ZNF589: variants seen among roughly 807,000 people sequenced by gnomAD.
ZNF589 encodes the protein zinc finger protein 589, also known as KRAB-zinc finger protein SZF1-1.
Under a neutral mutation model 13.6 loss-of-function variants are expected in ZNF589, and 17 were observed. The ratio of observed to expected loss-of-function variants is 1.25; its 90% confidence interval spans 0.86 to 1.88. ZNF589 has a LOEUF of 1.88. Among genes scored for constraint, ZNF589 ranks in the 40% most tolerant of loss-of-function variants. The pLI is 0.00. For synonymous variants in ZNF589, 148 were observed against 161.6 expected, an observed-to-expected ratio of 0.92 and a Z score of 0.64; for missense variants, 407 against 434.0, an observed-to-expected ratio of 0.94 and a Z score of 0.55.
chr3:48,270,912 TG>T lies in ZNF589; in HGVS notation c.*2128del. The T allele has an allele frequency of 5.1e-6, 1 of 196,722 alleles. No individual in the cohort carries two copies. The highest frequency in any genetic ancestry group is 1.0e-5 in the Non-Finnish European group (1 of 97,936). The allele number at this position is 196,722 out of a possible 1,614,324, so 12.2% of individuals were successfully genotyped here. ...GCCTGGCCTACCACCCTAATGTGTC[TG>T]GAATTGGTGGGTTCTTGGTCTTGCT... On this transcript the variant is annotated 3_prime_UTR_variant, in exon 4 of 4. Transcript: ENST00000354698.
chr3:48,256,451 T>A (rs1352383618), intron 2 of ZNF589: 1 of 564,468 alleles, frequency 1.8e-6, no homozygotes. Flanking sequence ...CCTTTTTTTG[T>A]AGATGGGCAT....
intron 2 of ZNF589, among the ~76,000 whole-genome samples, chr3:48,249,299 C>T (rs536314247): frequency 7.9e-5 from 12 of 152,222 alleles, no homozygotes; most frequent in African/African-American, 2.9e-4. Context: ...AACAGGGTTT[C>T]ACCATGTTAG....
rs2034062704 is a variant in ZNF589 at position 48,269,311 on chromosome 3, G to C, written c.*525G>C. On this transcript the variant is annotated 3_prime_UTR_variant, in exon 4 of 4. Coordinates refer to ENST00000354698, the MANE Select transcript of ZNF589 (RefSeq NM_016089.3). ...AGTGTGGGCGAGGCTTTATAGCTCA[G>C]TCAACCCTCCACTACCACCGGAGTA... 2.1e-6 allele frequency: 3 copies of C among 1,463,134 alleles called. No homozygotes were observed. The highest frequency in any genetic ancestry group is 1.4e-5 in the African/African-American group (1 of 71,118). 90.6% of individuals were successfully genotyped at this position (1,463,134 alleles called of 1,614,324 possible).
At position 48,256,800 on chromosome 3, in the gene ZNF589, T is replaced by C. The variant is rs772387198; in HGVS notation, c.97-4013T>C. Reference sequence around the variant, plus strand: ...GCTGTGATACGGCCTTCAATTATAGTTGTCTTTCCTTCTTGGATTTCCACC... The same window carrying C: ...GCTGTGATACGGCCTTCAATTATAGCTGTCTTTCCTTCTTGGATTTCCACC... On this transcript the variant is annotated intron_variant, in intron 2 of 3. Transcript: ENST00000354698. 10 of 1,557,274 alleles carry C rather than the reference T, an allele frequency of 6.4e-6. No homozygotes were observed. In the African/African-American group the frequency reaches 1.2e-4, roughly 19 times the overall value.
intron 2 of ZNF589, among the ~76,000 whole-genome samples, chr3:48,255,108 G>T (rs1244372072): frequency 6.6e-6 from 1 of 151,250 alleles, no homozygotes; most frequent in Non-Finnish European, 1.5e-5. Flanking sequence ...TTTGTTGTAG[G>T]TTTTTTGTAG....
Position 48,254,301 on chromosome 3 carries a change from T to C in ZNF589, c.97-6512T>C, listed in dbSNP as rs573042648. 2.6e-5 allele frequency among the ~76,000 whole-genome samples: 4 copies of C among 152,316 alleles called. No individual in the cohort carries two copies. The East Asian group carries it at 7.7e-4, about 29-fold the overall frequency. ...ATCAGTCGATGTTTGTGTCGGTCAT[T>C]TCTGGACTCTATTCTGTTCCACTGA... On this transcript the variant is annotated intron_variant, in intron 2 of 3. Transcript: ENST00000354698.
At chr3:48,264,612 T>C (rs1369361369) in intron 3 of ZNF589, among the ~76,000 whole-genome samples, 1 of 151,758 alleles carries the variant, frequency 6.6e-6, no homozygotes, top group Non-Finnish European at 1.5e-5. Flanking sequence ...GTGGATTGCC[T>C]GAGCTCAGGA....
At chr3:48,246,731 C>T (rs1157923290) in intron 1 of ZNF589, among the ~76,000 whole-genome samples, 15 of 151,992 alleles carry the variant, frequency 9.9e-5, no homozygotes, top group African/African-American at 3.6e-4. Flanking sequence ...TGCAGTGGTG[C>T]GATCTCGGCA....
At position 48,269,371 on chromosome 3, in the gene ZNF589, G is replaced by A; in HGVS notation, c.*585G>A. On this transcript the variant is annotated 3_prime_UTR_variant, in exon 4 of 4. Transcript: ENST00000354698. ...AGGAAAAACCTTATGTGTGCAGCCAGTGTGGGCGAGGCTTTTGTGATAAAT... is the reference window on the plus strand; with the variant it reads ...AGGAAAAACCTTATGTGTGCAGCCAATGTGGGCGAGGCTTTTGTGATAAAT... 3 of 779,174 alleles carry A rather than the reference G, an allele frequency of 3.9e-6. No individual in the cohort carries two copies. In the South Asian group the frequency reaches 5.1e-5, roughly 13 times the overall value. The allele number at this position is 779,174 out of a possible 1,614,324, so 48.3% of individuals were successfully genotyped here.
At position 48,247,689 on chromosome 3, in the gene ZNF589, C is replaced by G; in HGVS notation, c.96+12C>G. ...AGCCTAGATATCTGGTGAGTTGGGCCCGCCCTTCTCTTTTCTGAAATGCTG... is the reference window on the plus strand; with the variant it reads ...AGCCTAGATATCTGGTGAGTTGGGCGCGCCCTTCTCTTTTCTGAAATGCTG... On this transcript the variant is annotated intron_variant, in intron 2 of 3. Coordinates refer to ENST00000354698, the MANE Select transcript of ZNF589 (RefSeq NM_016089.3). 11 of 1,612,236 alleles carry G rather than the reference C, an allele frequency of 6.8e-6. No homozygotes were observed. The highest frequency in any genetic ancestry group is 9.3e-6 in the Non-Finnish European group (11 of 1,178,824).
At chr3:48,261,143 GGAT>G (rs2033966253) in intron 3 of ZNF589, among the ~76,000 whole-genome samples, 1 of 151,818 alleles carries the variant, frequency 6.6e-6, no homozygotes, top group Non-Finnish European at 1.5e-5. Flanking sequence ...ATATGTCAAA[GGAT>G]AATAAGTGCT....
intron 2 of ZNF589, among the ~76,000 whole-genome samples, chr3:48,255,175 AC>A (rs991287612): frequency 3.4e-5 from 5 of 145,990 alleles, no homozygotes; most frequent in African/African-American, 1.3e-4. Flanking sequence ...GAGAGCTATT[AC>A]TTCTTTTTTT....
chr3:48,258,173 A>G (rs2033930140), intron 2 of ZNF589, among the ~76,000 whole-genome samples: 1 of 151,898 alleles, frequency 6.6e-6, no homozygotes. Context: ...TTGCCTCCCC[A>G]TTTATCTAGA....
At chr3:48,264,166 C>A (rs2033996433) in intron 3 of ZNF589, among the ~76,000 whole-genome samples, 1 of 152,162 alleles carries the variant, frequency 6.6e-6, no homozygotes, top group African/African-American at 2.4e-5. Context: ...CTCTAAGCAG[C>A]TTGGCTTTTA....
At chr3:48,242,739 T>C (rs2033712546) in intron 1 of ZNF589, among the ~76,000 whole-genome samples, 2 of 152,196 alleles carry the variant, frequency 1.3e-5, no homozygotes, top group African/African-American at 4.8e-5. Context: ...AGCATTGCCG[T>C]GTTCCAATAA....
chr3:48,246,469 TATA>T (rs1030257330), intron 1 of ZNF589, among the ~76,000 whole-genome samples: 2 of 152,182 alleles, frequency 1.3e-5, no homozygotes, highest in African/African-American at 4.8e-5. Flanking sequence ...TTTAAAACAA[TATA>T]ATAATTATTA....
chr3:48,250,166 AGC>A (rs1427405280), intron 2 of ZNF589, among the ~76,000 whole-genome samples: 3 of 151,802 alleles, frequency 2.0e-5, no homozygotes, highest in Non-Finnish European at 2.9e-5. Context: ...GTTAACTCTA[AGC>A]TTCCTACTTT....
chr3:48,245,879 G>C lies in ZNF589; in HGVS notation c.44-1746G>C, dbSNP rs1370255935. Among the ~76,000 whole-genome samples the C allele has an allele frequency of 2.6e-5, 4 of 152,088 alleles. No individual in the cohort carries two copies. In the South Asian group the frequency reaches 8.3e-4, roughly 32 times the overall value. On this transcript the variant is annotated intron_variant, in intron 1 of 3. Coordinates refer to ENST00000354698, the MANE Select transcript of ZNF589 (RefSeq NM_016089.3). ...GGAGAATTGCTTGAACCCAGGAGGCGGAGGTTGCAGTGAGCTGAGATCGTG... is the reference window on the plus strand; with the variant it reads ...GGAGAATTGCTTGAACCCAGGAGGCCGAGGTTGCAGTGAGCTGAGATCGTG...
At chr3:48,255,487 CTTTT>C (rs1230659894) in intron 2 of ZNF589, among the ~76,000 whole-genome samples, 2 of 82,788 alleles carry the variant, frequency 2.4e-5, no homozygotes, top group African/African-American at 1.0e-4. Context: ...AGAGTTTTTA[CTTTT>C]TTTTTTTTTT....
Sources: allele counts gnomAD v4.1 joint callset (sites outside exome capture counted in the v4.1 genomes callset), GRCh38; gene constraint gnomAD v4.1.1; transcripts MANE v1.5; gene names NCBI Gene and HGNC (gene_info 2026-07-23, HGNC 2026-07-21).